Variants in SAP30 observed in about 807,000 individuals in gnomAD.
SAP30 encodes the protein Sin3A associated protein 30.
Under a neutral mutation model 19.6 loss-of-function variants are expected in SAP30, and 13 were observed. The observed-to-expected ratio is 0.66, with a 90% CI of 0.43 to 1.05. SAP30 has a LOEUF of 1.05. SAP30 is among the 50% of genes least tolerant of loss of function. The probability of loss-of-function intolerance (pLI) is 0.00; values close to 1 mark genes in which losing one functional copy is unlikely to be tolerated. For missense variants in SAP30, 257 were observed against 292.1 expected (o/e 0.88, Z 0.88); for synonymous variants, 108 against 122.7 (o/e 0.88, Z 0.79).
Position 173,371,481 on chromosome 4 carries a change from T to C in SAP30, c.299T>C (p.Ile100Thr). The change falls in exon 1 of 4, where the codon ATC (isoleucine) becomes ACC (threonine). Residue 100 changes from isoleucine (I) to threonine (T), a missense_variant. Physicochemically the swap from Ile to Thr is moderately conservative, Grantham distance 89 (BLOSUM62 -1). Transcript: ENST00000296504. The surrounding 1 kb of genome is among the most constrained non-coding windows in gnomAD (Gnocchi z 6.4). ...QKSISQKKVKIELDKSARHLY... is the reference protein window; with the variant it reads ...QKSISQKKVKTELDKSARHLY... Reference sequence around the variant, plus strand: ...AGCATCTCCCAGAAGAAGGTGAAGATCGAGCTGGATAAGAGCGTAAGTAAA... The same window carrying C: ...AGCATCTCCCAGAAGAAGGTGAAGACCGAGCTGGATAAGAGCGTAAGTAAA... The C allele has an allele frequency of 6.3e-7, 1 of 1,586,424 alleles. No individual in the cohort carries two copies. The highest frequency in any genetic ancestry group is 8.5e-7 in the Non-Finnish European group (1 of 1,172,272).
At position 173,371,735 on chromosome 4, in the gene SAP30, T is replaced by C. The variant is rs903714713; in HGVS notation, c.315+238T>C. On this transcript the variant is annotated intron_variant, in intron 1 of 3. Coordinates refer to ENST00000296504, the MANE Select transcript of SAP30 (RefSeq NM_003864.4). This position sits in a 1 kb window ranked among gnomAD's most constrained non-coding sequence, Gnocchi z 6.4. ...TTCTTTCCCACCCTGGCCCCCAACC[T>C]CCCGCTGCCTGCGTCTCTCCCGCGC... Among the ~76,000 whole-genome samples, 10 of 151,718 alleles carry C rather than the reference T, an allele frequency of 6.6e-5. No individual in the cohort carries two copies. Among genetic ancestry groups the C allele is most frequent in the Non-Finnish European group, 1.3e-4 (9 of 67,936 alleles).
Position 173,377,212 on chromosome 4 carries a change from G to A in SAP30, c.548G>A (p.Gly183Asp), listed in dbSNP as rs761239269. The A allele has an allele frequency of 6.3e-7, 1 of 1,575,586 alleles. No individual in the cohort carries two copies. Among genetic ancestry groups the A allele is most frequent in the South Asian group, 1.2e-5 (1 of 83,758 alleles). ...TTTTTCTTTTCTTTGTAGATAGTTGGTTGCCACTTTAGGTCTATTCCAGTG... is the reference window on the plus strand; with the variant it reads ...TTTTTCTTTTCTTTGTAGATAGTTGATTGCCACTTTAGGTCTATTCCAGTG... ...LNKAQLVEIV[G>D]CHFRSIPVNE... Residue 183 changes from glycine to aspartate, a missense_variant, in exon 4 of 4, where the codon GGT becomes GAT. Coordinates refer to ENST00000296504, the MANE Select transcript of SAP30 (RefSeq NM_003864.4).
In SAP30 at chr4:173,371,465, CAGA is replaced by C. The variant is rs761907667; in HGVS notation, c.289_291del (p.Lys97del). ...CAAGAGGATCCAGAAGAGCATCTCC[CAGA>C]AGAAGGTGAAGATCGAGCTGGATAA... On this transcript the variant is annotated inframe_deletion, in exon 1 of 4. Coordinates refer to ENST00000296504, the MANE Select transcript of SAP30 (RefSeq NM_003864.4). The surrounding 1 kb of genome is among the most constrained non-coding windows in gnomAD (Gnocchi z 6.4). 7.5e-6 allele frequency: 12 copies of C among 1,590,754 alleles called. No homozygotes were observed. Among genetic ancestry groups the C allele is most frequent in the African/African-American group, 1.3e-5 (1 of 74,402 alleles).
In SAP30 at chr4:173,371,521, T is replaced by G. The variant is rs774353870; in HGVS notation, c.315+24T>G. 3 of 1,570,942 alleles carry G rather than the reference T, an allele frequency of 1.9e-6. No homozygotes were observed. The East Asian group carries it at 7.0e-5, about 37-fold the overall frequency. On this transcript the variant is annotated intron_variant, in intron 1 of 3. Transcript: ENST00000296504. This position sits in a 1 kb window ranked among gnomAD's most constrained non-coding sequence, Gnocchi z 6.4. Reference sequence around the variant, plus strand: ...GCGTAAGTAAACCGCGGGACCGCCCTGCCCTCCCGCCCCTCGGTGGGGCCC... The same window carrying G: ...GCGTAAGTAAACCGCGGGACCGCCCGGCCCTCCCGCCCCTCGGTGGGGCCC...
chr4:173,376,204 C>T (rs1214176362), intron 3 of SAP30, among the ~76,000 whole-genome samples: 1 of 151,990 alleles, frequency 6.6e-6, no homozygotes, highest in Non-Finnish European at 1.5e-5. Context: ...ATGTCAGCAC[C>T]CCAGGTAAGT....
rs1739058204 is a variant in SAP30 at position 173,377,104 on chromosome 4, C to G, written c.541-101C>G. The G allele has an allele frequency of 1.5e-5, 11 of 749,812 alleles. No individual in the cohort carries two copies. In the South Asian group the frequency reaches 2.3e-4, roughly 16 times the overall value. 46.4% of individuals were successfully genotyped at this position (749,812 alleles called of 1,614,324 possible). A position where few individuals can be genotyped will look rare whatever the true frequency, so the allele number is the denominator to read the frequency against. On this transcript the variant is annotated intron_variant, in intron 3 of 3. Transcript: ENST00000296504. ...AATTTTTAAAGGAAATAGCCCTTAT[C>G]ACATAGCACTTTTTCTTTTGATGAA...
At chr4:173,374,204 A>G (rs188698518) in intron 3 of SAP30, among the ~76,000 whole-genome samples, 167 bp downstream of exon 3, 22 of 152,330 alleles carry the variant, frequency 1.4e-4, no homozygotes, top group Admixed American at 6.5e-4. Context: ...TTTGTCTGCC[A>G]CTTAGGAAAT....
intron 3 of SAP30, among the ~76,000 whole-genome samples, chr4:173,376,180 G>C (rs1347100531): frequency 6.6e-6 from 1 of 152,108 alleles, no homozygotes; most frequent in Non-Finnish European, 1.5e-5. Flanking sequence ...TTATTTTCTG[G>C]AATCTAAATA....
chr4:173,373,312 T>A (rs761145852), intron 1 of SAP30, 78 bp from the exon 2 acceptor site: 264 of 1,307,022 alleles, frequency 2.0e-4, no homozygotes, highest in Non-Finnish European at 2.5e-4. Context: ...AAGAACTCAC[T>A]GTGGCATATG....
intron 1 of SAP30, among the ~76,000 whole-genome samples, chr4:173,372,250 T>G (rs1353890319): frequency 6.6e-6 from 1 of 152,234 alleles, no homozygotes; most frequent in Non-Finnish European, 1.5e-5. Context: ...AATAACATGG[T>G]ATCGAGAACC....
intron 2 of SAP30, 66 bp downstream of exon 2, chr4:173,373,581 G>T (rs1196896338): frequency 7.1e-7 from 1 of 1,416,668 alleles, no homozygotes. Flanking sequence ...TTTATAAAAA[G>T]ATATGAACAA....
intron 3 of SAP30, among the ~76,000 whole-genome samples, chr4:173,375,892 G>C (rs1163051090): frequency 6.6e-6 from 1 of 152,200 alleles, no homozygotes; most frequent in Non-Finnish European, 1.5e-5. Flanking sequence ...CACAGAATTA[G>C]ATTCTCAGAG....
intron 3 of SAP30, 93 bp from the exon 4 acceptor site, chr4:173,377,112 A>C: frequency 1.2e-6 from 1 of 849,394 alleles, no homozygotes; most frequent in Admixed American, 3.3e-5. Flanking sequence ...ATCACATAGC[A>C]CTTTTTCTTT....
At chr4:173,375,707 T>C (rs1437288157) in intron 3 of SAP30, among the ~76,000 whole-genome samples, 3 of 152,200 alleles carry the variant, frequency 2.0e-5, no homozygotes, top group Non-Finnish European at 4.4e-5. Context: ...AATGCAGATA[T>C]TAGCAAGTTA....
In SAP30 at chr4:173,371,738, C is replaced by G. The variant is rs1293833548; in HGVS notation, c.315+241C>G. Reference sequence around the variant, plus strand: ...TTTCCCACCCTGGCCCCCAACCTCCCGCTGCCTGCGTCTCTCCCGCGCAGT... The same window carrying G: ...TTTCCCACCCTGGCCCCCAACCTCCGGCTGCCTGCGTCTCTCCCGCGCAGT... On this transcript the variant is annotated intron_variant, in intron 1 of 3. Transcript: ENST00000296504. The surrounding 1 kb of genome is among the most constrained non-coding windows in gnomAD (Gnocchi z 6.4). Among the ~76,000 whole-genome samples the G allele has an allele frequency of 6.6e-6, 1 of 152,144 alleles. No individual in the cohort carries two copies. The highest frequency in any genetic ancestry group is 1.5e-5 in the Non-Finnish European group (1 of 68,016).
At chr4:173,373,326 T>C in intron 1 of SAP30, 64 bp from the exon 2 acceptor site, 2 of 1,441,350 alleles carry the variant, frequency 1.4e-6, no homozygotes, top group East Asian at 4.9e-5. Context: ...GCATATGTGT[T>C]TTACTAATAC....
chr4:173,373,950 C>G lies in SAP30; in HGVS notation c.453C>G (p.Tyr151Ter). 1.3e-6 allele frequency: 2 copies of G among 1,553,074 alleles called. No homozygotes were observed. Among genetic ancestry groups the G allele is most frequent in the Non-Finnish European group, 1.7e-6 (2 of 1,143,036 alleles). ...QDIDTPEVDL[Y>*]QLQVNTLRRY... The stretch of plus-strand genomic sequence containing the variant: ...TTAATTTTTTCTAGGTTGATTTATA[C>G]CAATTACAAGTAAATACACTTAGGA... The change falls in exon 3 of 4, where the codon TAC becomes TAG. Residue 151 changes from tyrosine (Y) to a stop codon, truncating the protein, a stop_gained. Coordinates refer to ENST00000296504, the MANE Select transcript of SAP30 (RefSeq NM_003864.4). LOFTEE classifies it high-confidence loss of function.
chr4:173,371,639 A>G lies in SAP30; in HGVS notation c.315+142A>G. 2.2e-6 allele frequency: 3 copies of G among 1,384,650 alleles called. No homozygotes were observed. Among genetic ancestry groups the G allele is most frequent in the Non-Finnish European group, 2.8e-6 (3 of 1,056,934 alleles). 85.8% of individuals were successfully genotyped at this position (1,384,650 alleles called of 1,614,324 possible). A position where few individuals can be genotyped will look rare whatever the true frequency, so the allele number is the denominator to read the frequency against. ...TCTCGTGGAGTCTGTGTTTGGAAGC[A>G]AATAACAAAGTCGCTGCAACTCCTA... is the stretch of plus-strand genomic sequence containing the variant. On this transcript the variant is annotated intron_variant, in intron 1 of 3. Transcript: ENST00000296504. This position sits in a 1 kb window ranked among gnomAD's most constrained non-coding sequence, Gnocchi z 6.4.
chr4:173,374,698 C>T (rs1427732881), intron 3 of SAP30, among the ~76,000 whole-genome samples: 1 of 151,582 alleles, frequency 6.6e-6, no homozygotes, highest in Non-Finnish European at 1.5e-5. Flanking sequence ...AATTAATTAA[C>T]AAGCTTTAAT....
Sources: gnomAD v4.1 joint callset for allele counts (sites outside exome capture counted in the v4.1 genomes callset) on GRCh38, gnomAD v4.1.1 for gene constraint, Gnocchi (gnomAD v3.1) non-coding constraint, MANE v1.5 for transcripts, NCBI Gene and HGNC (gene_info 2026-07-23, HGNC 2026-07-21) for gene names.